TMEM71: variants seen among roughly 807,000 people sequenced by gnomAD.
TMEM71 encodes transmembrane protein 71.
TMEM71 carries 44 observed loss-of-function variants against 38.0 expected under a neutral mutation model. That is an observed-to-expected ratio of 1.16 (90% CI 0.91 to 1.49). TMEM71 has a LOEUF of 1.49. Among genes scored for constraint, TMEM71 ranks in the 40% most tolerant of loss-of-function variants. The probability of loss-of-function intolerance (pLI) is 0.00; values close to 1 mark genes in which losing one functional copy is unlikely to be tolerated. For synonymous variants in TMEM71, 133 were observed against 122.5 expected, an observed-to-expected ratio of 1.09 and a Z score of -0.56; for missense variants, 367 against 348.6, an observed-to-expected ratio of 1.05 and a Z score of -0.42.
At chr8:132,717,464 C>T (rs1186128921) in intron 7 of TMEM71, among the ~76,000 whole-genome samples, 1 of 152,156 alleles carries the variant, frequency 6.6e-6, no homozygotes, top group African/African-American at 2.4e-5. Context: ...GATACACAAA[C>T]AAACATCCAA....
the TMEM71 span, chr8:132,775,363 C>A: frequency 2.8e-6 from 1 of 360,014 alleles, no homozygotes; most frequent in Non-Finnish European, 5.0e-6. Flanking sequence ...GGGCGGCTGA[C>A]GTCGCCGGGG....
At chr8:132,746,915 A>G in intron 5 of TMEM71, 27 bp downstream of exon 5, 3 of 1,532,468 alleles carry the variant, frequency 2.0e-6, no homozygotes, top group South Asian at 1.3e-5. Flanking sequence ...ATAAAATTTT[A>G]CTATGGAAAG....
intron 5 of TMEM71, among the ~76,000 whole-genome samples, chr8:132,745,415 G>A (rs538568007): frequency 6.6e-6 from 1 of 152,134 alleles, no homozygotes; most frequent in Non-Finnish European, 1.5e-5. Context: ...AGCAACAAAT[G>A]TATGAAAAAA....
chr8:132,717,774 C>T (rs1048332821), intron 7 of TMEM71, among the ~76,000 whole-genome samples: 1 of 152,150 alleles, frequency 6.6e-6, no homozygotes, highest in Non-Finnish European at 1.5e-5. Context: ...AACTGTATGT[C>T]CATACAAAAC....
At chr8:132,730,480 T>A (rs1024824296) in intron 5 of TMEM71, among the ~76,000 whole-genome samples, 1 of 152,146 alleles carries the variant, frequency 6.6e-6, no homozygotes, top group Non-Finnish European at 1.5e-5. Context: ...GTAAGGAGAA[T>A]AAATATGATG....
intron 5 of TMEM71, among the ~76,000 whole-genome samples, chr8:132,743,892 G>A (rs1332621963): frequency 6.6e-6 from 1 of 152,174 alleles, no homozygotes; most frequent in African/African-American, 2.4e-5. Context: ...CCTCAGCACA[G>A]AATGTTCTTA....
intron 3 of TMEM71, among the ~76,000 whole-genome samples, chr8:132,756,514 G>A (rs1181176460): frequency 6.9e-6 from 1 of 145,232 alleles, no homozygotes; most frequent in Non-Finnish European, 1.5e-5. Flanking sequence ...TTCAAAACTA[G>A]ATGATAGCTA....
At chr8:132,721,741 G>T (rs1826861694) in intron 7 of TMEM71, among the ~76,000 whole-genome samples, 1 of 151,720 alleles carries the variant, frequency 6.6e-6, no homozygotes, top group Non-Finnish European at 1.5e-5. Flanking sequence ...TCACCATGTT[G>T]GTCAGGCTGG....
chr8:132,722,714 T>C (rs1034947368), intron 6 of TMEM71, among the ~76,000 whole-genome samples: 3 of 152,172 alleles, frequency 2.0e-5, no homozygotes, highest in Admixed American at 2.0e-4. Flanking sequence ...CAATTGCAAC[T>C]TTGCATAATG....
At chr8:132,768,867 A>G in the TMEM71 span, among the ~76,000 whole-genome samples, 1 of 152,412 alleles carries the variant, frequency 6.6e-6, no homozygotes, top group Admixed American at 6.5e-5. Flanking sequence ...GTCCTGGCCA[A>G]GAGGCCAGAC....
At chr8:132,726,302 G>A (rs569860331) in intron 6 of TMEM71, among the ~76,000 whole-genome samples, 1 of 152,124 alleles carries the variant, frequency 6.6e-6, no homozygotes, top group Admixed American at 6.5e-5. Flanking sequence ...TCTAGTAGCT[G>A]CACTAGGAAC....
Position 132,714,069 on chromosome 8 carries a change from A to C in TMEM71, c.815-17T>G, listed in dbSNP as rs781587143. ...ATTTCACATCTTGAGTGAAACAGAG[A>C]AAATATTTTAAAATCATTTTAAAGT... On this transcript the variant is annotated splice_polypyrimidine_tract_variant and intron_variant, in intron 8 of 9. Transcript: ENST00000677595. 4 of 1,614,034 alleles carry C rather than the reference A, an allele frequency of 2.5e-6. No individual in the cohort carries two copies. The highest frequency in any genetic ancestry group is 3.4e-6 in the Non-Finnish European group (4 of 1,179,890).
rs1826178861 is a variant in TMEM71 at position 132,710,440 on chromosome 8, C to T, written c.*527G>A. 6.1e-6 allele frequency: 1 copy of T among 165,144 alleles called. No homozygotes were observed. Among genetic ancestry groups the T allele is most frequent in the African/African-American group, 2.4e-5 (1 of 41,830 alleles). 10.2% of individuals were successfully genotyped at this position (165,144 alleles called of 1,614,324 possible). A position where few individuals can be genotyped will look rare whatever the true frequency, so the allele number is the denominator to read the frequency against. On this transcript the variant is annotated 3_prime_UTR_variant, in exon 10 of 10. Coordinates refer to ENST00000677595, the MANE Select transcript of TMEM71 (RefSeq NM_001382403.1). ...GGTTACCACCTAATATCAAGTCACTCCACTGAGGTGAATGACAAACTTTTG... is the reference window on the plus strand; with the variant it reads ...GGTTACCACCTAATATCAAGTCACTTCACTGAGGTGAATGACAAACTTTTG...
the TMEM71 span, among the ~76,000 whole-genome samples, chr8:132,772,943 G>A: frequency 6.6e-6 from 1 of 152,138 alleles, no homozygotes; most frequent in South Asian, 2.1e-4. Flanking sequence ...ATAGACTCTT[G>A]ATAATGTTCA....
chr8:132,757,313 G>A lies in TMEM71; in HGVS notation c.41-19C>T, dbSNP rs1829080878. On this transcript the variant is annotated intron_variant, in intron 2 of 9. Transcript: ENST00000677595. ...GAAGAACCTGCATAAACAAATGAGA[G>A]AGAAGTAGAATGTATCATACCTGAT... 6.3e-7 allele frequency: 1 copy of A among 1,585,282 alleles called. No individual in the cohort carries two copies. The highest frequency in any genetic ancestry group is 8.7e-7 in the Non-Finnish European group (1 of 1,155,116).
chr8:132,707,374 C>CTTTTT (rs1826109620), downstream of TMEM71, among the ~76,000 whole-genome samples: 1 of 152,104 alleles, frequency 6.6e-6, no homozygotes, highest in Non-Finnish European at 1.5e-5. Flanking sequence ...CTTAAAAGGG[C>CTTTTT]ATGCTATGGT....
At chr8:132,768,050 A>T in the TMEM71 span, among the ~76,000 whole-genome samples, 4 of 152,188 alleles carry the variant, frequency 2.6e-5, no homozygotes, top group African/African-American at 9.7e-5. Context: ...TAATTAAATT[A>T]TAAGTGATGT....
chr8:132,775,362 A>C, the TMEM71 span: 6 of 359,478 alleles, frequency 1.7e-5, no homozygotes, highest in Non-Finnish European at 3.0e-5. Context: ...CGGGCGGCTG[A>C]CGTCGCCGGG....
At chr8:132,767,769 C>A in the TMEM71 span, among the ~76,000 whole-genome samples, 2 of 152,178 alleles carry the variant, frequency 1.3e-5, no homozygotes, top group Admixed American at 1.3e-4. Context: ...GCCACCGCGC[C>A]CGGCCTAGCT....
Sources: gnomAD v4.1 joint callset for allele counts (sites outside exome capture counted in the v4.1 genomes callset) on GRCh38, gnomAD v4.1.1 for gene constraint, MANE v1.5 for transcripts, NCBI Gene and HGNC (gene_info 2026-07-23, HGNC 2026-07-21) for gene names.